EPHA7: variants seen among roughly 807,000 people sequenced by gnomAD.
The protein encoded by EPHA7 is ephrin type-A receptor 7.
In EPHA7, 25 loss-of-function variants were observed where a neutral mutation model predicts 112.6. That is an observed-to-expected ratio of 0.22 (90% CI 0.16 to 0.31). EPHA7 has a LOEUF of 0.31. Ranked by LOEUF, EPHA7 falls within the 10% of genes least tolerant of loss-of-function variation. The pLI is 1.00. For synonymous variants in EPHA7, 437 were observed against 406.5 expected (o/e 1.07, Z -0.90); for missense variants, 962 against 1,212.6 (o/e 0.79, Z 3.07).
At chr6:93,277,347 T>C (rs751911626) in intron 5 of EPHA7, among the ~76,000 whole-genome samples, 16 of 152,052 alleles carry the variant, frequency 1.1e-4, no homozygotes, top group African/African-American at 3.9e-4. Flanking sequence ...CAGTGTATCA[T>C]GTAACACAGC....
rs1397819533 is a variant in EPHA7 at position 93,243,519 on chromosome 6, G to C, written c.2904C>G (p.Ile968Met). 6.2e-7 allele frequency: 1 copy of C among 1,613,196 alleles called. No individual in the cohort carries two copies. The highest frequency in any genetic ancestry group is 2.2e-5 in the East Asian group (1 of 44,828). ...TTTTCTTTTGATGACCAACCAGTGT[G>C]ATCCCTAAACTCATCACATCCCTGA... The part of the protein sequence containing the change: ...MTIEDVMSLG[I>M]TLVGHQKKIM... The change falls in exon 17 of 17, where the codon ATC becomes ATG. Residue 968 changes from isoleucine (I) to methionine (M), a missense_variant. Physicochemically the swap from Ile to Met is conservative, Grantham distance 10 (BLOSUM62 1). Transcript: ENST00000369303.
chr6:93,360,156 TAAC>T (rs756465635), intron 3 of EPHA7, among the ~76,000 whole-genome samples: 1 of 152,036 alleles, frequency 6.6e-6, no homozygotes, highest in Non-Finnish European at 1.5e-5. Flanking sequence ...TTACTAAACA[TAAC>T]AAAAATATAC....
intron 1 of EPHA7, among the ~76,000 whole-genome samples, chr6:93,416,665 C>T (rs1779243810): frequency 6.6e-6 from 1 of 152,244 alleles, no homozygotes; most frequent in South Asian, 2.1e-4. Flanking sequence ...CCTTCCCGCT[C>T]GGAGCAGAGT....
intron 5 of EPHA7, among the ~76,000 whole-genome samples, chr6:93,329,330 C>T (rs955717356): frequency 5.3e-5 from 8 of 151,278 alleles, no homozygotes; most frequent in African/African-American, 1.2e-4. Flanking sequence ...AATTGCTAAT[C>T]GTTATTTATT....
At chr6:93,334,028 A>G (rs1161734487) in intron 5 of EPHA7, among the ~76,000 whole-genome samples, 1 of 151,982 alleles carries the variant, frequency 6.6e-6, no homozygotes, top group East Asian at 1.9e-4. Context: ...AAACTATATT[A>G]CAATGCTATG....
intron 14 of EPHA7, among the ~76,000 whole-genome samples, chr6:93,250,755 C>T (rs138255357): frequency 1.5e-3 from 222 of 152,194 alleles, no homozygotes; most frequent in Non-Finnish European, 2.4e-3. Flanking sequence ...TTACTAGAAA[C>T]TCCTTGTATT....
At chr6:93,335,334 A>C (rs1030030269) in intron 5 of EPHA7, among the ~76,000 whole-genome samples, 4 of 152,092 alleles carry the variant, frequency 2.6e-5, no homozygotes, top group African/African-American at 7.2e-5. Context: ...AATCATCAAC[A>C]TATGTGATAC....
chr6:93,324,102 T>C (rs1309521780), intron 5 of EPHA7, among the ~76,000 whole-genome samples: 1 of 151,474 alleles, frequency 6.6e-6, no homozygotes, highest in African/African-American at 2.4e-5. Flanking sequence ...GGCAGAAGTA[T>C]TGCTACTGTC....
chr6:93,364,837 T>A (rs1215855860), intron 3 of EPHA7, among the ~76,000 whole-genome samples: 1 of 152,148 alleles, frequency 6.6e-6, no homozygotes, highest in Non-Finnish European at 1.5e-5. Flanking sequence ...TAATTTAGTA[T>A]GTATTTTTGG....
chr6:93,320,747 A>C (rs549726506), intron 5 of EPHA7, among the ~76,000 whole-genome samples: 6 of 152,094 alleles, frequency 3.9e-5, no homozygotes, highest in Non-Finnish European at 8.8e-5. Flanking sequence ...TAATTTGGAA[A>C]ATTATATTTA....
chr6:93,292,838 TAGAG>T (rs1562074414), intron 5 of EPHA7, among the ~76,000 whole-genome samples: 1 of 152,152 alleles, frequency 6.6e-6, no homozygotes, highest in Admixed American at 6.5e-5. Context: ...AAGATAGTGA[TAGAG>T]AGAGGTATTC....
chr6:93,282,943 T>G (rs537502769), intron 5 of EPHA7, among the ~76,000 whole-genome samples: 1 of 152,104 alleles, frequency 6.6e-6, no homozygotes, highest in East Asian at 1.9e-4. Flanking sequence ...GCTGCCCCCT[T>G]CTCCACCGTG....
intron 5 of EPHA7, among the ~76,000 whole-genome samples, chr6:93,283,649 C>A (rs185808863): frequency 6.6e-5 from 10 of 152,070 alleles, no homozygotes; most frequent in African/African-American, 2.4e-4. Context: ...CCGAAGCCAG[C>A]GAGACCAGGA....
At chr6:93,395,414 A>G (rs1200028436) in intron 3 of EPHA7, among the ~76,000 whole-genome samples, 3 of 151,984 alleles carry the variant, frequency 2.0e-5, no homozygotes, top group East Asian at 3.9e-4. Flanking sequence ...AAGAAAGCCA[A>G]ACGAGCTTGT....
chr6:93,414,760 C>A lies in EPHA7; in HGVS notation c.105G>T (p.Leu35=). The A allele has an allele frequency of 6.2e-7, 1 of 1,612,168 alleles. No homozygotes were observed. The highest frequency in any genetic ancestry group is 8.5e-7 in the Non-Finnish European group (1 of 1,178,926). Reference sequence around the variant, plus strand: ...CTGTTTGTTGTGCTTTAGAATCCAGCAGTAGTACTGAAAAAGAAAGTTGTA... The same window carrying A: ...CTGTTTGTTGTGCTTTAGAATCCAGAAGTAGTACTGAAAAAGAAAGTTGTA... ...GEAQAAKEVL[L]LDSKAQQTEL... The change falls in exon 2 of 17, where the codon CTG becomes CTT. Residue 35 remains leucine, a synonymous_variant. Coordinates refer to ENST00000369303, the MANE Select transcript of EPHA7 (RefSeq NM_004440.4).
intron 5 of EPHA7, among the ~76,000 whole-genome samples, chr6:93,324,337 T>A (rs1774215527): frequency 6.6e-6 from 1 of 151,310 alleles, no homozygotes; most frequent in South Asian, 2.1e-4. Context: ...CTCAGGTAAT[T>A]TAAAAAAGTT....
intron 2 of EPHA7, among the ~76,000 whole-genome samples, chr6:93,412,581 G>T (rs1207058586): frequency 6.6e-6 from 1 of 152,028 alleles, no homozygotes; most frequent in Non-Finnish European, 1.5e-5. Flanking sequence ...ACTTGCATTT[G>T]TGACTAGTTA....
intron 10 of EPHA7, 125 bp downstream of exon 10, chr6:93,259,229 C>T (rs1409216711): frequency 8.4e-7 from 1 of 1,183,798 alleles, no homozygotes; most frequent in Non-Finnish European, 1.2e-6. Flanking sequence ...CTCACTGCTT[C>T]CAACAGTTCA....
intron 5 of EPHA7, among the ~76,000 whole-genome samples, chr6:93,345,430 C>A (rs1214083794): frequency 6.6e-6 from 1 of 151,730 alleles, no homozygotes; most frequent in African/African-American, 2.4e-5. Context: ...AGGCAAGCAG[C>A]TACATGACTG....
Sources: allele counts gnomAD v4.1 joint callset (sites outside exome capture counted in the v4.1 genomes callset), GRCh38; gene constraint gnomAD v4.1.1; transcripts MANE v1.5; gene names NCBI Gene and HGNC (gene_info 2026-07-23, HGNC 2026-07-21).